Variants in CSMD1 observed in about 807,000 individuals in gnomAD.
CSMD1 encodes the protein CUB and sushi domain-containing protein 1.
CSMD1 carries 213 observed loss-of-function variants against 417.5 expected under a neutral mutation model. The observed-to-expected ratio is 0.51, with a 90% CI of 0.46 to 0.57. The LOEUF (loss-of-function observed/expected upper bound fraction) is 0.57. Ranked by LOEUF, CSMD1 falls within the 20% of genes least tolerant of loss-of-function variation. The pLI, the probability that CSMD1 is intolerant of heterozygous loss-of-function variation, is 0.00. For synonymous variants in CSMD1, 2,862 were observed against 1,736.8 expected, an observed-to-expected ratio of 1.65 and a Z score of -16.11; for missense variants, 6,923 against 4,529.7, an observed-to-expected ratio of 1.53 and a Z score of -15.17.
At chr8:3,398,671 A>G (rs947887358) in intron 16 of CSMD1, among the ~76,000 whole-genome samples, 11 of 152,192 alleles carry the variant, frequency 7.2e-5, no homozygotes, top group Non-Finnish European at 1.5e-4. Context: ...GAAACTTTCA[A>G]CAAAGATGCC....
intron 2 of CSMD1, among the ~76,000 whole-genome samples, chr8:4,458,851 G>C (rs1486717096): frequency 3.9e-5 from 6 of 152,162 alleles, no homozygotes; most frequent in African/African-American, 1.4e-4. Context: ...ACTGAGGCAA[G>C]CGTAGCACTG....
intron 23 of CSMD1, among the ~76,000 whole-genome samples, chr8:3,311,585 G>C (rs572759255): frequency 6.6e-5 from 10 of 152,306 alleles, no homozygotes; most frequent in Admixed American, 2.0e-4. Flanking sequence ...CTTTATGCTA[G>C]ACGATTTGTG....
intron 2 of CSMD1, among the ~76,000 whole-genome samples, chr8:4,476,096 C>T (rs1380551686): frequency 1.3e-5 from 2 of 151,890 alleles, no homozygotes; most frequent in African/African-American, 4.8e-5. Context: ...ATATTTAATA[C>T]ATAATAGATT....
chr8:3,903,348 C>T (rs921274862), intron 5 of CSMD1, among the ~76,000 whole-genome samples: 1 of 151,766 alleles, frequency 6.6e-6, no homozygotes, highest in East Asian at 1.9e-4. Context: ...AAAATGTACT[C>T]AACCTACAGG....
intron 25 of CSMD1, among the ~76,000 whole-genome samples, chr8:3,296,689 G>A (rs78020976): frequency 0.011 from 1,661 of 152,238 alleles, 31 homozygotes; most frequent in African/African-American, 0.038. Flanking sequence ...ACGTTTTGAA[G>A]GGAGAGAAAA....
chr8:4,358,434 G>C (rs999808727), intron 3 of CSMD1, among the ~76,000 whole-genome samples: 3 of 152,204 alleles, frequency 2.0e-5, no homozygotes, highest in African/African-American at 4.8e-5. Context: ...TCAAATTTCA[G>C]TGTCCACACA....
rs1298327505 is a variant in CSMD1, at chr8:4,143,099, ATTAAC to A, written c.416-111005_416-111001del. ...GTTTAGTGACATGATATCTTCATCT[ATTAAC>A]TTGGGAAACTATGGAGGATTGGAAT... On this transcript the variant is annotated intron_variant, in intron 3 of 69. Coordinates refer to ENST00000635120, the MANE Select transcript of CSMD1 (RefSeq NM_033225.6). Among the ~76,000 whole-genome samples the A allele has an allele frequency of 2.6e-4, 39 of 148,876 alleles. 5 individuals carry two copies. Among genetic ancestry groups the A allele is most frequent in the African/African-American group, 9.2e-4 (36 of 39,162 alleles).
intron 1 of CSMD1, among the ~76,000 whole-genome samples, chr8:4,914,178 G>C (rs942109867): frequency 2.6e-5 from 4 of 152,142 alleles, no homozygotes; most frequent in African/African-American, 9.7e-5. Flanking sequence ...CAAAAGCACG[G>C]AGTCATGAGA....
At chr8:4,606,271 C>G (rs1487051803) in intron 2 of CSMD1, among the ~76,000 whole-genome samples, 1 of 151,962 alleles carries the variant, frequency 6.6e-6, no homozygotes, top group African/African-American at 2.4e-5. Context: ...ATAAATTAAC[C>G]TAAGACAAGG....
chr8:4,943,649 C>G (rs1016645286), intron 1 of CSMD1, among the ~76,000 whole-genome samples: 1 of 152,008 alleles, frequency 6.6e-6, no homozygotes, highest in Non-Finnish European at 1.5e-5. Context: ...CTATGTTGTC[C>G]AAGTTATCCT....
chr8:4,237,993 C>G (rs1439473652), intron 3 of CSMD1, among the ~76,000 whole-genome samples: 1 of 152,198 alleles, frequency 6.6e-6, no homozygotes. Flanking sequence ...GAGGCATGCA[C>G]AGGCCTACTG....
At chr8:4,763,093 G>A (rs1350921266) in intron 1 of CSMD1, among the ~76,000 whole-genome samples, 1 of 152,126 alleles carries the variant, frequency 6.6e-6, no homozygotes, top group Non-Finnish European at 1.5e-5. Context: ...TGAATGGACA[G>A]AAAAGATACC....
intron 3 of CSMD1, among the ~76,000 whole-genome samples, chr8:4,085,831 A>G (rs1800389956): frequency 6.6e-6 from 1 of 152,156 alleles, no homozygotes; most frequent in Admixed American, 6.5e-5. Context: ...GCCAGATAAA[A>G]GTTCTGTGTC....
intron 5 of CSMD1, among the ~76,000 whole-genome samples, chr8:3,950,750 A>C (rs1563245498): frequency 6.6e-6 from 1 of 151,512 alleles, no homozygotes; most frequent in African/African-American, 2.4e-5. Flanking sequence ...AATCTTTTTT[A>C]TCTCTTACCT....
At chr8:3,897,583 A>T (rs1192366714) in intron 5 of CSMD1, among the ~76,000 whole-genome samples, 2 of 152,160 alleles carry the variant, frequency 1.3e-5, no homozygotes, top group African/African-American at 4.8e-5. Flanking sequence ...TAAAAAAAAA[A>T]AGGCTATGCA....
chr8:3,187,294 G>C (rs1268052286), intron 36 of CSMD1, among the ~76,000 whole-genome samples: 1 of 152,194 alleles, frequency 6.6e-6, no homozygotes, highest in East Asian at 1.9e-4. Flanking sequence ...GCAAAATTGA[G>C]ATTGAATGAC....
chr8:3,771,614 T>C (rs1257731619), intron 5 of CSMD1, among the ~76,000 whole-genome samples: 2 of 152,012 alleles, frequency 1.3e-5, no homozygotes, highest in African/African-American at 4.8e-5. Context: ...AGCATCAAGT[T>C]GGAGAAAGGT....
intron 51 of CSMD1, among the ~76,000 whole-genome samples, chr8:3,025,656 A>C (rs1809816484): frequency 6.6e-6 from 1 of 152,232 alleles, no homozygotes; most frequent in South Asian, 2.1e-4. Flanking sequence ...CCAAAACAAC[A>C]AACTTTGACA....
At chr8:3,705,766 T>A (rs1318398739) in intron 7 of CSMD1, among the ~76,000 whole-genome samples, 3 of 152,112 alleles carry the variant, frequency 2.0e-5, no homozygotes, top group Middle Eastern at 3.2e-3. Flanking sequence ...ATCTCTAGAA[T>A]CTCAAGAACT....
Sources: allele counts gnomAD v4.1 joint callset (sites outside exome capture counted in the v4.1 genomes callset), GRCh38; gene constraint gnomAD v4.1.1; transcripts MANE v1.5; gene names NCBI Gene and HGNC (gene_info 2026-07-23, HGNC 2026-07-21).